LHX8: variants seen among roughly 807,000 people sequenced by gnomAD.
LHX8 encodes LIM/homeobox protein Lhx8.
Under a neutral mutation model 40.3 loss-of-function variants are expected in LHX8, and 12 were observed. The observed-to-expected ratio is 0.30, with a 90% CI of 0.19 to 0.48. The LOEUF (loss-of-function observed/expected upper bound fraction) is 0.48. Among genes scored for constraint, LHX8 ranks in the 20% least tolerant of loss-of-function variants. LHX8 has a pLI of 0.99. For synonymous variants in LHX8, 179 were observed against 162.0 expected (o/e 1.10, Z -0.80); for missense variants, 344 against 433.7 (o/e 0.79, Z 1.84).
intron 8 of LHX8, chr1:75,159,657 G>T (rs1379259857): frequency 6.6e-6 from 1 of 151,848 alleles, no homozygotes; most frequent in African/African-American, 2.4e-5. Context: ...ATCTTTGGTG[G>T]GTCTATTCTG....
At position 75,148,216 on chromosome 1, in the gene LHX8, G is replaced by T. The variant is rs192347621; in HGVS notation, c.685-371G>T. On this transcript the variant is annotated intron_variant, in intron 6 of 8. Coordinates refer to ENST00000356261, the MANE Select transcript of LHX8 (RefSeq NM_001256114.2). ...GAAAGGTTGGAGACAAATGTGATAT[G>T]ATTTTTGTATTAAGTTTTCAAATGT... Among the ~76,000 whole-genome samples the T allele has an allele frequency of 6.9e-4, 105 of 152,234 alleles. 1 individual carries two copies. The highest frequency in any genetic ancestry group is 2.4e-3 in the African/African-American group (100 of 41,536).
chr1:75,151,462 G>C (rs1224972502), intron 7 of LHX8, among the ~76,000 whole-genome samples: 1 of 152,216 alleles, frequency 6.6e-6, no homozygotes, highest in Non-Finnish European at 1.5e-5. Flanking sequence ...TATTTATCTG[G>C]AGATAAGGCC....
the LHX8 span, among the ~76,000 whole-genome samples, chr1:75,176,285 C>A: frequency 6.6e-6 from 1 of 152,218 alleles, no homozygotes; most frequent in Non-Finnish European, 1.5e-5. Context: ...TACACTCCCA[C>A]CAACAGGGTA....
At chr1:75,152,126 C>T (rs1648627845) in intron 7 of LHX8, among the ~76,000 whole-genome samples, 1 of 152,184 alleles carries the variant, frequency 6.6e-6, no homozygotes. Flanking sequence ...ATCATACTTT[C>T]CCTCAGCCTC....
At chr1:75,168,613 C>G in the LHX8 span, among the ~76,000 whole-genome samples, 4 of 152,136 alleles carry the variant, frequency 2.6e-5, no homozygotes, top group African/African-American at 7.2e-5. Context: ...AAACACATAA[C>G]TCAGTCATAT....
chr1:75,181,132 TG>T, the LHX8 span, among the ~76,000 whole-genome samples: 1 of 152,194 alleles, frequency 6.6e-6, no homozygotes, highest in Non-Finnish European at 1.5e-5. Flanking sequence ...CAGCCCCTAC[TG>T]GGAGGTTTCT....
chr1:75,192,640 A>T, the LHX8 span, among the ~76,000 whole-genome samples: 1 of 151,678 alleles, frequency 6.6e-6, no homozygotes, highest in Admixed American at 6.6e-5. Flanking sequence ...ATTTTAAGTA[A>T]TTTTTTTTAT....
chr1:75,172,381 C>T, the LHX8 span, among the ~76,000 whole-genome samples: 1 of 152,174 alleles, frequency 6.6e-6, no homozygotes, highest in Admixed American at 6.5e-5. Context: ...TTGATTGTAG[C>T]CACTGTTGAA....
the LHX8 span, among the ~76,000 whole-genome samples, chr1:75,182,203 A>C: frequency 6.6e-6 from 1 of 152,204 alleles, no homozygotes; most frequent in South Asian, 2.1e-4. Flanking sequence ...ATCCAGCTTC[A>C]TTCTTCTATA....
At chr1:75,166,970 G>A in the LHX8 span, among the ~76,000 whole-genome samples, 53 of 152,322 alleles carry the variant, frequency 3.5e-4, no homozygotes, top group East Asian at 8.1e-3. Flanking sequence ...GTGTCGAAGT[G>A]GAGCTGAGCT....
the LHX8 span, among the ~76,000 whole-genome samples, chr1:75,179,392 C>T: frequency 2.0e-5 from 3 of 151,930 alleles, no homozygotes; most frequent in African/African-American, 7.3e-5. Flanking sequence ...ATAGTTAGCT[C>T]TCCTTGTTGA....
intron 3 of LHX8, among the ~76,000 whole-genome samples, chr1:75,137,498 G>A (rs368522635): frequency 1.0e-3 from 153 of 152,294 alleles, no homozygotes; most frequent in Non-Finnish European, 1.9e-3. Flanking sequence ...TCCTGGTCTG[G>A]ACGCGCCGGA....
the LHX8 span, among the ~76,000 whole-genome samples, chr1:75,169,419 G>A: frequency 6.6e-6 from 1 of 152,146 alleles, no homozygotes; most frequent in Non-Finnish European, 1.5e-5. Flanking sequence ...ATGCAGTTGA[G>A]CACAGTATTT....
chr1:75,143,933 A>G lies in LHX8; in HGVS notation c.669A>G (p.Thr223=). 1.2e-6 allele frequency: 2 copies of G among 1,613,226 alleles called. No individual in the cohort carries two copies. The highest frequency in any genetic ancestry group is 2.2e-5 in the East Asian group (1 of 44,850). The change falls in exon 6 of 9, where the codon ACA becomes ACG. Residue 223 remains threonine (T), a synonymous_variant. Coordinates refer to ENST00000356261, the MANE Select transcript of LHX8 (RefSeq NM_001256114.2). ...CAAAAAGAGCTCGGACCAGCTTTAC[A>G]GCAGATCAGCTTCAGGTAAGCATAA... ...KPAKRARTSF[T]ADQLQVMQAQ...
intron 3 of LHX8, among the ~76,000 whole-genome samples, chr1:75,140,386 G>A (rs1648279899): frequency 6.6e-6 from 1 of 151,972 alleles, no homozygotes; most frequent in African/African-American, 2.4e-5. Context: ...TATTGTTTCT[G>A]TTCAGCTGTT....
chr1:75,178,204 AG>A, the LHX8 span, among the ~76,000 whole-genome samples: 1 of 152,184 alleles, frequency 6.6e-6, no homozygotes, highest in Non-Finnish European at 1.5e-5. Context: ...TGAGTTAGGG[AG>A]GATTCCCTCT....
At chr1:75,180,791 A>C in the LHX8 span, among the ~76,000 whole-genome samples, 6 of 152,156 alleles carry the variant, frequency 3.9e-5, no homozygotes, top group Non-Finnish European at 8.8e-5. Context: ...TAGAATTTTC[A>C]GCTTTTCTGC....
chr1:75,181,523 C>G, the LHX8 span, among the ~76,000 whole-genome samples: 1 of 152,200 alleles, frequency 6.6e-6, no homozygotes, highest in African/African-American at 2.4e-5. Flanking sequence ...GATACAATCT[C>G]CTGGTGTGCC....
At chr1:75,155,323 C>A (rs1648728982) in intron 7 of LHX8, among the ~76,000 whole-genome samples, 1 of 150,808 alleles carries the variant, frequency 6.6e-6, no homozygotes, top group Non-Finnish European at 1.5e-5. Context: ...CAAGCTCCAC[C>A]TCCCAGGTTC....
Sources: gnomAD v4.1 joint callset for allele counts (sites outside exome capture counted in the v4.1 genomes callset) on GRCh38, gnomAD v4.1.1 for gene constraint, MANE v1.5 for transcripts, NCBI Gene and HGNC (gene_info 2026-07-23, HGNC 2026-07-21) for gene names.